The following SLC30A7 variants were observed in gnomAD, a reference collection of about 807,000 sequenced individuals.
The protein encoded by SLC30A7 is zinc transporter 7.
A neutral mutation model predicts 46.0 loss-of-function variants in SLC30A7; 35 were observed. The observed-to-expected ratio is 0.76, with a 90% CI of 0.58 to 1.01. The LOEUF is 1.01. SLC30A7 is among the 50% of genes least tolerant of loss of function. SLC30A7 has a pLI of 0.00. For missense variants in SLC30A7, 464 were observed against 451.1 expected, an observed-to-expected ratio of 1.03 and a Z score of -0.26; for synonymous variants, 147 against 157.8, an observed-to-expected ratio of 0.93 and a Z score of 0.51.
intron 10 of SLC30A7, 25 bp from the exon 11 acceptor site, chr1:100,974,785 A>G (rs201143194): frequency 1.7e-5 from 27 of 1,565,400 alleles, no homozygotes; most frequent in African/African-American, 9.5e-5. Context: ...TAGATTTTCT[A>G]ACTTTTTTTT....
In SLC30A7 at chr1:100,932,184, G is replaced by A. The variant is rs575318574; in HGVS notation, c.842+10343G>A. Among the ~76,000 whole-genome samples the A allele has an allele frequency of 2.2e-4, 34 of 152,290 alleles. No individual in the cohort carries two copies. In the East Asian group the frequency reaches 5.8e-3, roughly 26 times the overall value. ...AATCCCAGCACTTTGGGAGGCCGAG[G>A]CGGGTAGATCACCTGAGGTCACGAG... On this transcript the variant is annotated intron_variant, in intron 8 of 10. Coordinates refer to ENST00000357650, the MANE Select transcript of SLC30A7 (RefSeq NM_133496.5).
chr1:100,924,374 C>A (rs1016595196), intron 8 of SLC30A7, among the ~76,000 whole-genome samples: 1 of 152,096 alleles, frequency 6.6e-6, no homozygotes, highest in African/African-American at 2.4e-5. Context: ...ATTCAAAATA[C>A]TCTTATACTT....
chr1:100,985,704 TGAA>T (rs1312816050), downstream of SLC30A7, among the ~76,000 whole-genome samples: 3 of 148,212 alleles, frequency 2.0e-5, no homozygotes, highest in Non-Finnish European at 3.0e-5. Context: ...AACATTTACA[TGAA>T]AAAAAAAAAT....
chr1:100,988,890 AAG>A, the SLC30A7 span, among the ~76,000 whole-genome samples: 1 of 151,588 alleles, frequency 6.6e-6, no homozygotes, highest in Non-Finnish European at 1.5e-5. Context: ...ATAAAGAAAA[AAG>A]AGATGTTTCA....
intron 2 of SLC30A7, among the ~76,000 whole-genome samples, chr1:100,897,553 A>T (rs1651046974): frequency 6.6e-6 from 1 of 152,176 alleles, no homozygotes; most frequent in Non-Finnish European, 1.5e-5. Flanking sequence ...CTAGATTAAG[A>T]ACCTGTTTTC....
chr1:100,942,873 G>T (rs540406726), intron 8 of SLC30A7, among the ~76,000 whole-genome samples: 1 of 152,274 alleles, frequency 6.6e-6, no homozygotes, highest in East Asian at 1.9e-4. Context: ...AGAGAATGGG[G>T]CTGCCTAGGT....
chr1:100,903,993 G>A (rs1651471078), intron 2 of SLC30A7, among the ~76,000 whole-genome samples: 1 of 152,080 alleles, frequency 6.6e-6, no homozygotes, highest in Non-Finnish European at 1.5e-5. Context: ...TTAGCAATAG[G>A]AATATTAATG....
intron 3 of SLC30A7, among the ~76,000 whole-genome samples, chr1:100,909,763 C>T (rs1246993830): frequency 6.6e-6 from 1 of 152,084 alleles, no homozygotes; most frequent in African/African-American, 2.4e-5. Flanking sequence ...GCCTGAAAAA[C>T]ATTCTTGCCT....
chr1:100,943,975 T>C (rs1461914563), intron 8 of SLC30A7, among the ~76,000 whole-genome samples: 3 of 152,232 alleles, frequency 2.0e-5, no homozygotes, highest in African/African-American at 7.2e-5. Context: ...ACTGGAAGAA[T>C]AAATCAAAAG....
In SLC30A7 at chr1:100,981,644, A is replaced by G. The variant is rs1656937680; in HGVS notation, c.*6787A>G. ...AACAAATCTATAATGTATATTTCAC[A>G]TTTTCTACTTGAACACATTCATGTA... On this transcript the variant is annotated 3_prime_UTR_variant, in exon 11 of 11. Transcript: ENST00000357650. The G allele has an allele frequency of 6.6e-6, 1 of 152,202 alleles. No individual in the cohort carries two copies. The highest frequency in any genetic ancestry group is 6.6e-5 in the Admixed American group (1 of 15,262). 9.4% of individuals were successfully genotyped at this position (152,202 alleles called of 1,614,324 possible).
chr1:100,978,553 CAA>C lies in SLC30A7; in HGVS notation c.*3698_*3699del, dbSNP rs1289137211. 1 of 152,148 alleles carries C rather than the reference CAA, an allele frequency of 6.6e-6. No homozygotes were observed. The highest frequency in any genetic ancestry group is 1.5e-5 in the Non-Finnish European group (1 of 68,032). The allele number at this position is 152,148 out of a possible 1,614,324, so 9.4% of individuals were successfully genotyped here. ...AAGCCCAGAAAAACTCTCATTTGCT[CAA>C]AGTCACAGAGAAAATTAGTGGCAAA... On this transcript the variant is annotated 3_prime_UTR_variant, in exon 11 of 11. Coordinates refer to ENST00000357650, the MANE Select transcript of SLC30A7 (RefSeq NM_133496.5).
At chr1:100,913,844 TAAAC>T (rs1386824132) in intron 6 of SLC30A7, 38 bp downstream of exon 6, 15 of 1,578,936 alleles carry the variant, frequency 9.5e-6, no homozygotes, top group Non-Finnish European at 1.3e-5. Flanking sequence ...AGCCTCCAAA[TAAAC>T]AAGAGTTTTG....
chr1:100,937,936 C>T (rs1654074418), intron 8 of SLC30A7, among the ~76,000 whole-genome samples: 1 of 152,142 alleles, frequency 6.6e-6, no homozygotes, highest in African/African-American at 2.4e-5. Context: ...AAGGGTCCAG[C>T]TTCCTTCTTT....
chr1:100,941,654 A>G, intron 8 of SLC30A7: 1 of 615,146 alleles, frequency 1.6e-6, no homozygotes, highest in Non-Finnish European at 3.1e-6. Flanking sequence ...TTTCACAGTT[A>G]AGTGGGCACT....
In SLC30A7 at chr1:100,911,065, A is replaced by G. The variant is rs1338600638; in HGVS notation, c.299A>G (p.Tyr100Cys). 1 of 1,606,328 alleles carries G rather than the reference A, an allele frequency of 6.2e-7. No homozygotes were observed. Among genetic ancestry groups the G allele is most frequent in the Non-Finnish European group, 8.5e-7 (1 of 1,174,894 alleles). ...TTATTTACTTTGTTCCTCTTTAGGTATGTTAGAGCGGAAGTTCTGGCTGGC... is the reference window on the plus strand; with the variant it reads ...TTATTTACTTTGTTCCTCTTTAGGTGTGTTAGAGCGGAAGTTCTGGCTGGC... ...WRDNDAFSYG[Y>C]VRAEVLAGFV... Residue 100 changes from tyrosine (Y) to cysteine (C), a missense_variant and splice_region_variant, in exon 4 of 11, where the codon TAT becomes TGT. Physicochemically the swap from Tyr to Cys is radical, Grantham distance 194. Transcript: ENST00000357650.
rs566708274 is a variant in SLC30A7 at position 100,932,410 on chromosome 1, G to A, written c.842+10569G>A. The stretch of plus-strand genomic sequence containing the variant: ...AGCCTGCGTGACAGAGCAAGACTCT[G>A]TCTCAAAAATAAATAAATAAATAGG... On this transcript the variant is annotated intron_variant, in intron 8 of 10. Coordinates refer to ENST00000357650, the MANE Select transcript of SLC30A7 (RefSeq NM_133496.5). 3.3e-5 allele frequency among the ~76,000 whole-genome samples: 5 copies of A among 152,198 alleles called. No homozygotes were observed. In the East Asian group the frequency reaches 9.7e-4, roughly 29 times the overall value.
chr1:100,925,044 T>TGTGGATTTAAGATAGGATTATATGATA (rs1553237931), intron 8 of SLC30A7, among the ~76,000 whole-genome samples: 4 of 152,254 alleles, frequency 2.6e-5, no homozygotes, highest in Admixed American at 2.6e-4. Context: ...ATTTGTATTG[T>TGTGGATTTAAGATAGGATTATATGATA]GTGGATTTAA....
Position 100,961,942 on chromosome 1 carries a change from A to G in SLC30A7, c.933+24A>G, listed in dbSNP as rs774626977. 4.3e-6 allele frequency: 6 copies of G among 1,388,564 alleles called. No homozygotes were observed. The South Asian group carries it at 6.3e-5, about 15-fold the overall frequency. 86.0% of individuals were successfully genotyped at this position (1,388,564 alleles called of 1,614,324 possible). A position where few individuals can be genotyped will look rare whatever the true frequency, so the allele number is the denominator to read the frequency against. ...GGGTGAGTTTCAAATACTCCAAACC[A>G]TTGGATTTTATGCTGTTTTCAATCT... On this transcript the variant is annotated intron_variant, in intron 9 of 10. Transcript: ENST00000357650.
At chr1:100,926,410 A>G (rs533779526) in intron 8 of SLC30A7, among the ~76,000 whole-genome samples, 35 of 152,180 alleles carry the variant, frequency 2.3e-4, no homozygotes, top group Admixed American at 3.3e-4. Flanking sequence ...TGGAAGGTGA[A>G]GGCAGAGCAG....
Sources: gnomAD v4.1 joint callset for allele counts (sites outside exome capture counted in the v4.1 genomes callset) on GRCh38, gnomAD v4.1.1 for gene constraint, MANE v1.5 for transcripts, NCBI Gene and HGNC (gene_info 2026-07-23, HGNC 2026-07-21) for gene names.